LPIN2: variants seen among roughly 807,000 people sequenced by gnomAD.
LPIN2 encodes the protein phosphatidate phosphatase LPIN2.
A neutral mutation model predicts 111.4 loss-of-function variants in LPIN2; 55 were observed. The ratio of observed to expected loss-of-function variants is 0.49; its 90% CI spans 0.40 to 0.62. The LOEUF (loss-of-function observed/expected upper bound fraction) is 0.62, where lower values mean the gene tolerates loss of function less well. LPIN2 is among the 20% of genes least tolerant of loss of function. LPIN2 has a pLI of 0.00. For missense variants in LPIN2, 992 were observed against 1,112.1 expected (o/e 0.89, Z 1.54); for synonymous variants, 425 against 414.0 (o/e 1.03, Z -0.32).
chr18:2,976,626 T>A (rs1342425328), intron 1 of LPIN2, among the ~76,000 whole-genome samples: 3 of 152,354 alleles, frequency 2.0e-5, no homozygotes, highest in African/African-American at 7.2e-5. Flanking sequence ...AAACATTTCC[T>A]GAGGTGTGCT....
chr18:2,928,953 T>C, intron 10 of LPIN2, 112 bp downstream of exon 10: 1 of 779,520 alleles, frequency 1.3e-6, no homozygotes, highest in African/African-American at 1.7e-5. Flanking sequence ...GGCTAATTTA[T>C]ATGAGATGAC....
rs2077110017 is a variant in LPIN2 at position 2,925,072 on chromosome 18, G to T, written c.1938+152C>A. 4.8e-6 allele frequency: 5 copies of T among 1,045,500 alleles called. No homozygotes were observed. In the East Asian group the frequency reaches 1.0e-4, roughly 22 times the overall value. 64.8% of individuals were successfully genotyped at this position (1,045,500 alleles called of 1,614,324 possible). ...GTGGGCCTGATAGCTCTTGGGGGCGGCGGTCGTGGTTCCACTGTGGATAGG... is the reference window on the plus strand; with the variant it reads ...GTGGGCCTGATAGCTCTTGGGGGCGTCGGTCGTGGTTCCACTGTGGATAGG... On this transcript the variant is annotated intron_variant, in intron 14 of 19. Coordinates refer to ENST00000677752, the MANE Select transcript of LPIN2 (RefSeq NM_001375808.2). The surrounding 1 kb of genome is among the most constrained non-coding windows in gnomAD (Gnocchi z 4.1).
chr18:2,924,945 G>A (rs998578831), intron 14 of LPIN2, among the ~76,000 whole-genome samples: 8 of 152,228 alleles, frequency 5.3e-5, no homozygotes, highest in African/African-American at 1.9e-4. Context: ...CTAAGAGACA[G>A]TACCTGGCTC....
chr18:2,992,995 A>T (rs868200717), intron 1 of LPIN2, among the ~76,000 whole-genome samples: 50 of 132,252 alleles, frequency 3.8e-4, no homozygotes, highest in African/African-American at 1.1e-3. Flanking sequence ...AAAAAAAAAA[A>T]TTTAAATATT....
At chr18:2,927,566 A>C (rs2077152507) in intron 12 of LPIN2, among the ~76,000 whole-genome samples, 156 bp downstream of exon 12, 1 of 152,224 alleles carries the variant, frequency 6.6e-6, no homozygotes, top group African/African-American at 2.4e-5. Flanking sequence ...ACTTGGGACA[A>C]CACCTGCACG....
intron 1 of LPIN2, among the ~76,000 whole-genome samples, chr18:2,965,622 C>T (rs2077787078): frequency 6.8e-6 from 1 of 147,252 alleles, no homozygotes; most frequent in Non-Finnish European, 1.5e-5. Context: ...CCCAGCTACT[C>T]GGGAGGCTGA....
rs937818648 is a variant in LPIN2, at chr18:2,918,006, A to G, written c.*2287T>C. On this transcript the variant is annotated 3_prime_UTR_variant, in exon 20 of 20. Coordinates refer to ENST00000677752, the MANE Select transcript of LPIN2 (RefSeq NM_001375808.2). ...CAAATGTCATTTGTACCAAATGGCA[A>G]TGGATTTTCAGCACAAACTTAATAC... 6.6e-6 allele frequency: 1 copy of G among 152,224 alleles called. No homozygotes were observed. The highest frequency in any genetic ancestry group is 1.5e-5 in the Non-Finnish European group (1 of 68,036). The allele number at this position is 152,224 out of a possible 1,614,324, so 9.4% of individuals were successfully genotyped here. A position where few individuals can be genotyped will look rare whatever the true frequency, so the allele number is the denominator to read the frequency against.
At chr18:2,968,863 A>G (rs1387398198) in intron 1 of LPIN2, among the ~76,000 whole-genome samples, 2 of 152,156 alleles carry the variant, frequency 1.3e-5, no homozygotes, top group Non-Finnish European at 2.9e-5. Context: ...AGGATGAACT[A>G]GAGAAGAGGT....
At position 2,940,616 on chromosome 18, in the gene LPIN2, G is replaced by A; in HGVS notation, c.687C>T (p.Ser229=). 6.2e-7 allele frequency: 1 copy of A among 1,605,886 alleles called. No individual in the cohort carries two copies. The highest frequency in any genetic ancestry group is 2.2e-5 in the East Asian group (1 of 44,800). ...DHYPLSDGDW[S]PLETTYPQTA... is the part of the protein sequence containing the mutation. ...TCAAAGATACTTACGTCTCTAAAGG[G>A]GACCAATCTCCATCAGATAAGGGGT... Residue 229 remains serine (S), a synonymous_variant, in exon 5 of 20, where the codon TCC becomes TCT. Transcript: ENST00000677752.
At chr18:3,006,705 C>T (rs551470982) in intron 1 of LPIN2, among the ~76,000 whole-genome samples, 1 of 152,044 alleles carries the variant, frequency 6.6e-6, no homozygotes, top group South Asian at 2.1e-4. Context: ...GGCGTGGTGG[C>T]GGGAGCCTGT....
intron 1 of LPIN2, among the ~76,000 whole-genome samples, chr18:3,002,052 A>T (rs985754664): frequency 6.6e-6 from 1 of 152,124 alleles, no homozygotes; most frequent in African/African-American, 2.4e-5. Context: ...AAACCAGGAA[A>T]TTTAAATACA....
intron 6 of LPIN2, among the ~76,000 whole-genome samples, chr18:2,939,054 G>GA (rs1247387069): frequency 1.3e-5 from 2 of 152,162 alleles, no homozygotes; most frequent in East Asian, 3.9e-4. Flanking sequence ...TCAGCTACTT[G>GA]AAAGTCTGGT....
intron 1 of LPIN2, chr18:2,985,436 C>A (rs1028532181): frequency 1.3e-5 from 2 of 152,000 alleles, no homozygotes; most frequent in Non-Finnish European, 2.9e-5. Flanking sequence ...TGTATAACAT[C>A]TTCAATGATC....
chr18:2,921,905 G>A, intron 17 of LPIN2, 142 bp downstream of exon 17: 1 of 1,205,214 alleles, frequency 8.3e-7, no homozygotes, highest in Non-Finnish European at 1.1e-6. Flanking sequence ...GTATGTGGTA[G>A]GACACCACCA....
At chr18:2,936,336 A>AGTGTT (rs2077284570) in intron 7 of LPIN2, among the ~76,000 whole-genome samples, 1 of 152,242 alleles carries the variant, frequency 6.6e-6, no homozygotes, top group African/African-American at 2.4e-5. Flanking sequence ...GTTCTGACCC[A>AGTGTT]CTGTACCAAG....
rs2077091751 is a variant in LPIN2, at chr18:2,923,852, A to G, written c.2097T>C (p.Ala699=). The G allele has an allele frequency of 6.2e-7, 1 of 1,614,128 alleles. No homozygotes were observed. Among genetic ancestry groups the G allele is most frequent in the East Asian group, 2.2e-5 (1 of 44,888 alleles). ...CCAGCTGTGGGAGAATCTGTCCCAA[A>G]GCATCCGACCTAAGAAGACGGTAGA... ...DIDGTITKSD[A]LGQILPQLGK... The change falls in exon 16 of 20, where the codon GCT becomes GCC. Residue 699 remains alanine (A), a synonymous_variant. Coordinates refer to ENST00000677752, the MANE Select transcript of LPIN2 (RefSeq NM_001375808.2).
intron 1 of LPIN2, among the ~76,000 whole-genome samples, chr18:3,002,150 T>C (rs1371340022): frequency 6.8e-6 from 1 of 146,806 alleles, no homozygotes; most frequent in Non-Finnish European, 1.5e-5. Flanking sequence ...ATACCACACT[T>C]ACAGGGGGAA....
At chr18:3,006,694 A>G (rs374191960) in intron 1 of LPIN2, among the ~76,000 whole-genome samples, 23 of 152,278 alleles carry the variant, frequency 1.5e-4, no homozygotes, top group African/African-American at 5.3e-4. Context: ...AAAATTAGCC[A>G]GGCGTGGTGG....
intron 8 of LPIN2, 55 bp from the exon 9 acceptor site, chr18:2,931,498 A>G: frequency 2.0e-6 from 3 of 1,513,190 alleles, no homozygotes; most frequent in Middle Eastern, 2.2e-4. Context: ...TTGAATTCCT[A>G]GTTTACTGCA....
Sources: gnomAD v4.1 joint callset for allele counts (sites outside exome capture counted in the v4.1 genomes callset) on GRCh38, gnomAD v4.1.1 for gene constraint, Gnocchi (gnomAD v3.1) non-coding constraint, MANE v1.5 for transcripts, NCBI Gene and HGNC (gene_info 2026-07-23, HGNC 2026-07-21) for gene names.